The following PRDM16 variants were observed in gnomAD, a reference collection of about 807,000 sequenced individuals.
The protein encoded by PRDM16 is PR/SET domain 16, also known as histone-lysine N-methyltransferase PRDM16.
A neutral mutation model predicts 110.6 loss-of-function variants in PRDM16; 23 were observed. That is an observed-to-expected ratio of 0.21 (90% CI 0.15 to 0.29). The LOEUF (loss-of-function observed/expected upper bound fraction) is 0.29, where lower values mean the gene tolerates loss of function less well. PRDM16 is among the 10% of genes least tolerant of loss of function. The pLI is 1.00. For synonymous variants in PRDM16, 799 were observed against 781.8 expected, an observed-to-expected ratio of 1.02 and a Z score of -0.37; for missense variants, 1,615 against 1,794.3, an observed-to-expected ratio of 0.90 and a Z score of 1.81.
chr1:3,131,969 T>G (rs1392850494), intron 1 of PRDM16, among the ~76,000 whole-genome samples: 1 of 152,252 alleles, frequency 6.6e-6, no homozygotes, highest in Non-Finnish European at 1.5e-5. Context: ...ATGACAATTT[T>G]TTTTCAAAGG....
At chr1:3,271,157 G>T (rs1016121233) in intron 3 of PRDM16, among the ~76,000 whole-genome samples, 2 of 152,338 alleles carry the variant, frequency 1.3e-5, no homozygotes, top group Admixed American at 1.3e-4. Context: ...ATTCACGCCA[G>T]TGTGGGGCCC....
At chr1:3,134,858 C>T (rs1470571327) in intron 1 of PRDM16, among the ~76,000 whole-genome samples, 1 of 152,258 alleles carries the variant, frequency 6.6e-6, no homozygotes, top group East Asian at 1.9e-4. Context: ...CACCCGAACC[C>T]GCGTGGGACA....
rs1638946685 is a variant in PRDM16 at position 3,437,697 on chromosome 1, TTTTG to T, written c.*3888_*3891del. ...AGTTCCTCTGCTCCTTCCATTCCAT[TTTTG>T]TGTTTGTTTTGTTCTTTTCTGTCAC... is the stretch of plus-strand genomic sequence containing the variant. On this transcript the variant is annotated 3_prime_UTR_variant, in exon 17 of 17. Transcript: ENST00000270722. 1 of 224,854 alleles carries T rather than the reference TTTTG, an allele frequency of 4.4e-6. No homozygotes were observed. The highest frequency in any genetic ancestry group is 2.2e-5 in the African/African-American group (1 of 44,852). 13.9% of individuals were successfully genotyped at this position (224,854 alleles called of 1,614,324 possible).
intron 1 of PRDM16, among the ~76,000 whole-genome samples, chr1:3,172,042 G>A (rs1270574526): frequency 3.3e-5 from 5 of 152,186 alleles, no homozygotes; most frequent in South Asian, 2.1e-4. Context: ...ACGGCTCCAC[G>A]ATGTCCTTAT....
chr1:3,181,672 ACACGC>A lies in PRDM16; in HGVS notation c.38-4452_38-4448del, dbSNP rs1278204330. On this transcript the variant is annotated intron_variant, in intron 1 of 16. Transcript: ENST00000270722. ...CTTACACACGGTCTTACACAGTCTT[ACACGC>A]GCAGTCTTACACACGGTCTTACACA... 6.9e-4 allele frequency among the ~76,000 whole-genome samples: 93 copies of A among 135,430 alleles called. 1 individual carries two copies. Among genetic ancestry groups the A allele is most frequent in the South Asian group, 1.5e-3 (6 of 4,100 alleles). The allele number at this position is 135,430 out of a possible 152,430, so 88.8% of individuals were successfully genotyped here. A position where few individuals can be genotyped will look rare whatever the true frequency, so the allele number is the denominator to read the frequency against.
chr1:3,135,734 G>A (rs1643424945), intron 1 of PRDM16, among the ~76,000 whole-genome samples: 1 of 152,204 alleles, frequency 6.6e-6, no homozygotes. Context: ...ATAGGGTCGG[G>A]TTACCCCGAG....
At position 3,243,325 on chromosome 1, in the gene PRDM16, G is replaced by C. The variant is rs941400961; in HGVS notation, c.388-762G>C. On this transcript the variant is annotated intron_variant, in intron 2 of 16. Transcript: ENST00000270722. This position sits in a 1 kb window ranked among gnomAD's most constrained non-coding sequence, Gnocchi z 5.5. ...AGCCATGGGGGACATCCCCCTCCCAGGGATCTGGATGGGAGTGAAGAGCCA... is the reference window on the plus strand; with the variant it reads ...AGCCATGGGGGACATCCCCCTCCCACGGATCTGGATGGGAGTGAAGAGCCA... Among the ~76,000 whole-genome samples, 2 of 152,132 alleles carry C rather than the reference G, an allele frequency of 1.3e-5. No individual in the cohort carries two copies. The highest frequency in any genetic ancestry group is 2.9e-5 in the Non-Finnish European group (2 of 68,040).
intron 1 of PRDM16, among the ~76,000 whole-genome samples, chr1:3,178,542 G>A (rs1021255522): frequency 6.6e-6 from 1 of 152,218 alleles, no homozygotes; most frequent in Admixed American, 6.5e-5. Context: ...TGGCAAACGT[G>A]TGTACTTAAC....
At chr1:3,163,887 C>A (rs1643920673) in intron 1 of PRDM16, among the ~76,000 whole-genome samples, 1 of 152,250 alleles carries the variant, frequency 6.6e-6, no homozygotes, top group South Asian at 2.1e-4. Context: ...ACCCTTCTTC[C>A]AAATAATGGC....
At chr1:3,237,250 C>A (rs545791319) in intron 2 of PRDM16, among the ~76,000 whole-genome samples, 32 of 152,054 alleles carry the variant, frequency 2.1e-4, no homozygotes, top group Admixed American at 4.6e-4. Context: ...AGAGCTCCCC[C>A]CAGGCTTCCC....
Position 3,411,853 on chromosome 1 carries a change from G to C in PRDM16, c.1656G>C (p.Gly552=). 1 of 1,611,506 alleles carries C rather than the reference G, an allele frequency of 6.2e-7. No homozygotes were observed. Among genetic ancestry groups the C allele is most frequent in the Non-Finnish European group, 8.5e-7 (1 of 1,178,688 alleles). The change falls in exon 9 of 17, where the codon GGG becomes GGC. Residue 552 remains glycine (G), a synonymous_variant. Coordinates refer to ENST00000270722, the MANE Select transcript of PRDM16 (RefSeq NM_022114.4). Reference sequence around the variant, plus strand: ...ACGCCAAGCTCCCCAGTCCCCTGGGGAACCCAGCCCTGCCCCTGGTCTCCG... The same window carrying C: ...ACGCCAAGCTCCCCAGTCCCCTGGGCAACCCAGCCCTGCCCCTGGTCTCCG... ...TQDAKLPSPL[G]NPALPLVSAV...
intron 3 of PRDM16, among the ~76,000 whole-genome samples, chr1:3,303,220 C>T (rs1641242943): frequency 6.6e-6 from 1 of 151,742 alleles, no homozygotes; most frequent in Non-Finnish European, 1.5e-5. Flanking sequence ...AGCAGCCCCT[C>T]CCAGTTTCTC....
intron 3 of PRDM16, among the ~76,000 whole-genome samples, chr1:3,344,032 T>G (rs994885396): frequency 3.7e-4 from 56 of 152,188 alleles, no homozygotes; most frequent in African/African-American, 1.3e-3. Context: ...CATCTCCAAC[T>G]TGCTGTTAAA....
At position 3,434,214 on chromosome 1, in the gene PRDM16, T is replaced by C. The variant is rs1484076034; in HGVS notation, c.*403T>C. ...GGTGTGCTCAAAAGAGAGAGATCAC[T>C]CAAATGATTTTTATAATGAAATGAC... On this transcript the variant is annotated 3_prime_UTR_variant, in exon 17 of 17. Coordinates refer to ENST00000270722, the MANE Select transcript of PRDM16 (RefSeq NM_022114.4). 1 of 245,834 alleles carries C rather than the reference T, an allele frequency of 4.1e-6. No individual in the cohort carries two copies. Among genetic ancestry groups the C allele is most frequent in the African/African-American group, 2.2e-5 (1 of 45,800 alleles). The allele number at this position is 245,834 out of a possible 1,614,324, so 15.2% of individuals were successfully genotyped here. A position where few individuals can be genotyped will look rare whatever the true frequency, so the allele number is the denominator to read the frequency against.
chr1:3,162,144 C>G (rs758332777), intron 1 of PRDM16, among the ~76,000 whole-genome samples: 2 of 152,176 alleles, frequency 1.3e-5, no homozygotes, highest in African/African-American at 4.8e-5. Flanking sequence ...CACCCGTGAG[C>G]GTGGCATTAG....
rs189874086 is a variant in PRDM16, at chr1:3,325,862, T to A, written c.439-59290T>A. On this transcript the variant is annotated intron_variant, in intron 3 of 16. Coordinates refer to ENST00000270722, the MANE Select transcript of PRDM16 (RefSeq NM_022114.4). Reference sequence around the variant, plus strand: ...GGCCCTCCTTGGCCTTCCTTAGCGGTTCTCAGTGAGCCATGACCATTCTTG... The same window carrying A: ...GGCCCTCCTTGGCCTTCCTTAGCGGATCTCAGTGAGCCATGACCATTCTTG... Among the ~76,000 whole-genome samples, 224 of 151,532 alleles carry A rather than the reference T, an allele frequency of 1.5e-3. 2 individuals carry two copies. Among genetic ancestry groups the A allele is most frequent in the Non-Finnish European group, 6.5e-4 (44 of 67,778 alleles).
chr1:3,182,288 C>T (rs763455277), intron 1 of PRDM16, among the ~76,000 whole-genome samples: 14 of 152,350 alleles, frequency 9.2e-5, no homozygotes, highest in East Asian at 1.9e-4. Flanking sequence ...GCTCGGGCTG[C>T]GGGGAAGGGG....
In PRDM16 at chr1:3,246,484, G is replaced by A. The variant is rs373779072; in HGVS notation, c.438+2347G>A. Reference sequence around the variant, plus strand: ...GGGTACCAGAGCCAGCATCGGGGGCGTTGGTGGGCGGTCCTGTCCAAGCAG... The same window carrying A: ...GGGTACCAGAGCCAGCATCGGGGGCATTGGTGGGCGGTCCTGTCCAAGCAG... On this transcript the variant is annotated intron_variant, in intron 3 of 16. Coordinates refer to ENST00000270722, the MANE Select transcript of PRDM16 (RefSeq NM_022114.4). The surrounding 1 kb of genome is among the most constrained non-coding windows in gnomAD (Gnocchi z 5.2). Among the ~76,000 whole-genome samples the A allele has an allele frequency of 1.4e-4, 21 of 152,304 alleles. No individual in the cohort carries two copies. In the East Asian group the frequency reaches 3.7e-3, roughly 27 times the overall value.
chr1:3,296,096 C>T (rs770155328), intron 3 of PRDM16, among the ~76,000 whole-genome samples: 3 of 152,168 alleles, frequency 2.0e-5, no homozygotes, highest in Non-Finnish European at 2.9e-5. Flanking sequence ...TCAGCCTGGG[C>T]GGTCATCTGC....
Sources: allele counts gnomAD v4.1 joint callset (sites outside exome capture counted in the v4.1 genomes callset), GRCh38; gene constraint gnomAD v4.1.1; non-coding constraint Gnocchi (gnomAD v3.1); transcripts MANE v1.5; gene names NCBI Gene and HGNC (gene_info 2026-07-23, HGNC 2026-07-21).